The following CNTRL variants were observed in gnomAD, a reference collection of about 807,000 sequenced individuals.
CNTRL encodes the protein centriolin.
Under a neutral mutation model 303.7 loss-of-function variants are expected in CNTRL, and 233 were observed. That is an observed-to-expected ratio of 0.77 (90% CI 0.69 to 0.86). The LOEUF (loss-of-function observed/expected upper bound fraction) is 0.86, where lower values mean the gene tolerates loss of function less well. Among genes scored for constraint, CNTRL ranks in the 40% least tolerant of loss-of-function variants. The pLI, the probability that CNTRL is intolerant of heterozygous loss-of-function variation, is 0.00. For synonymous variants in CNTRL, 900 were observed against 922.2 expected, an observed-to-expected ratio of 0.98 and a Z score of 0.44; for missense variants, 2,524 against 2,650.6, an observed-to-expected ratio of 0.95 and a Z score of 1.05.
chr9:121,136,560 C>T (rs1438155226), intron 15 of CNTRL, among the ~76,000 whole-genome samples: 2 of 152,202 alleles, frequency 1.3e-5, no homozygotes, highest in African/African-American at 2.4e-5. Flanking sequence ...ATCCACCCAC[C>T]TCAGCCTCCC....
intron 35 of CNTRL, among the ~76,000 whole-genome samples, chr9:121,165,522 A>T (rs1588321901): frequency 6.6e-6 from 1 of 152,240 alleles, no homozygotes; most frequent in East Asian, 1.9e-4. Context: ...CCAAATGTTT[A>T]TAAATATGAT....
intron 35 of CNTRL, 115 bp from the exon 36 acceptor site, chr9:121,165,992 T>C: frequency 1.4e-6 from 1 of 735,162 alleles, no homozygotes. Flanking sequence ...GGCATAGTCA[T>C]ACATGTAACA....
chr9:121,173,579 GA>G, intron 41 of CNTRL, 70 bp downstream of exon 41: 1 of 1,610,802 alleles, frequency 6.2e-7, no homozygotes, highest in East Asian at 2.2e-5. Flanking sequence ...CTAAAACACA[GA>G]TGTGGGGGTG....
chr9:121,103,233 G>T (rs1432120706), intron 7 of CNTRL, among the ~76,000 whole-genome samples: 1 of 151,922 alleles, frequency 6.6e-6, no homozygotes, highest in African/African-American at 2.4e-5. Flanking sequence ...AGAGCCCTCA[G>T]AAATAACACC....
At chr9:121,086,919 C>T (rs1456780597) in intron 2 of CNTRL, among the ~76,000 whole-genome samples, 3 of 152,074 alleles carry the variant, frequency 2.0e-5, no homozygotes, top group African/African-American at 7.2e-5. Flanking sequence ...TCCCAAAGTG[C>T]GGGGATTATA....
intron 32 of CNTRL, chr9:121,161,215 AT>A: frequency 2.4e-6 from 1 of 418,828 alleles, no homozygotes; most frequent in East Asian, 3.6e-5. Flanking sequence ...TGTAAAAGTG[AT>A]TTGGGGTGGT....
chr9:121,154,884 G>A lies in CNTRL; in HGVS notation c.4336G>A (p.Glu1446Lys), dbSNP rs772531958. 1 of 1,614,136 alleles carries A rather than the reference G, an allele frequency of 6.2e-7. No individual in the cohort carries two copies. ...READRLLAEA[E>K]SELSCTKEKT... ...AGCTGACCGACTCCTGGCAGAGGCT[G>A]AGAGTGAACTTTCATGCACTAAAGA... Residue 1446 changes from glutamate (E) to lysine (K), a missense_variant, in exon 27 of 44, where the codon GAG (glutamate) becomes AAG (lysine). By Grantham distance (56) the Glu-to-Lys change is moderately conservative. Coordinates refer to ENST00000373855, the MANE Select transcript of CNTRL (RefSeq NM_007018.6).
chr9:121,081,559 C>G (rs940178703), intron 2 of CNTRL, among the ~76,000 whole-genome samples: 3 of 152,328 alleles, frequency 2.0e-5, no homozygotes, highest in East Asian at 3.9e-4. Context: ...ACTGCCCCCT[C>G]CTTGGGTTCA....
At chr9:121,172,113 T>G (rs112873679) in intron 40 of CNTRL, among the ~76,000 whole-genome samples, 25 of 152,340 alleles carry the variant, frequency 1.6e-4, no homozygotes, top group African/African-American at 5.8e-4. Flanking sequence ...ACGTGGCCAT[T>G]CTAGTTTCAT....
rs187126934 is a variant in CNTRL, at chr9:121,104,836, G to T, written c.809-2966G>T. 2.5e-3 allele frequency among the ~76,000 whole-genome samples: 380 copies of T among 151,508 alleles called. 1 individual carries two copies. Among genetic ancestry groups the T allele is most frequent in the African/African-American group, 8.6e-3 (357 of 41,330 alleles). ...CCTGTCTCAGCCTTCCAAGTAACTG[G>T]GATTACAGGCATGCACCACCACACC... On this transcript the variant is annotated intron_variant, in intron 7 of 43. Transcript: ENST00000373855.
At chr9:121,130,308 T>A (rs62141201) in intron 14 of CNTRL, among the ~76,000 whole-genome samples, 1 of 152,042 alleles carries the variant, frequency 6.6e-6, no homozygotes, top group African/African-American at 2.4e-5. Flanking sequence ...CAATTTCAGA[T>A]CCTGTTATTG....
rs866207589 is a variant in CNTRL at position 121,092,822 on chromosome 9, T to A, written c.349-2066T>A. Among the ~76,000 whole-genome samples the A allele has an allele frequency of 1.5e-4, 19 of 128,432 alleles. 2 individuals are homozygous for A. Among genetic ancestry groups the A allele is most frequent in the South Asian group, 7.1e-4 (3 of 4,212 alleles). The allele number at this position is 128,432 out of a possible 152,430, so 84.3% of individuals were successfully genotyped here. ...ATATATCTATATATATATATATTTT[T>A]TTTTTTTTGGAGTCTCGCTCTCTTG... is the stretch of plus-strand genomic sequence containing the variant. On this transcript the variant is annotated intron_variant, in intron 4 of 43. Coordinates refer to ENST00000373855, the MANE Select transcript of CNTRL (RefSeq NM_007018.6).
intron 7 of CNTRL, among the ~76,000 whole-genome samples, chr9:121,102,948 A>G (rs1459445467): frequency 1.3e-5 from 2 of 152,220 alleles, no homozygotes. Context: ...AGGAAGAATC[A>G]ATATCATGAA....
At chr9:121,075,927 A>G (rs2047904837) in intron 1 of CNTRL, among the ~76,000 whole-genome samples, 1 of 152,188 alleles carries the variant, frequency 6.6e-6, no homozygotes, top group Non-Finnish European at 1.5e-5. Context: ...TCCAGAATCC[A>G]AGCTTTTAAC....
intron 14 of CNTRL, among the ~76,000 whole-genome samples, chr9:121,134,293 ATT>A (rs111594737): frequency 6.9e-4 from 47 of 67,672 alleles, no homozygotes; most frequent in African/African-American, 1.4e-3. Flanking sequence ...TATCATTATT[ATT>A]TTTTTTTTTT....
At chr9:121,131,771 G>A (rs555331595) in intron 14 of CNTRL, among the ~76,000 whole-genome samples, 2 of 152,112 alleles carry the variant, frequency 1.3e-5, no homozygotes, top group African/African-American at 2.4e-5. Flanking sequence ...TGGCTGGTAC[G>A]GGTTGTTCCT....
In CNTRL at chr9:121,154,820, T is replaced by C. The variant is rs373569430; in HGVS notation, c.4272T>C (p.Ile1424=). The change falls in exon 27 of 44, where the codon ATT becomes ATC. Residue 1424 remains isoleucine (I), a synonymous_variant. Coordinates refer to ENST00000373855, the MANE Select transcript of CNTRL (RefSeq NM_007018.6). The part of the protein sequence containing the change: ...HEDIVDEIEC[I]EKTLLKRRSE... The stretch of plus-strand genomic sequence containing the variant: ...ATATTGTAGATGAAATTGAGTGCAT[T>C]GAGAAGACTCTTCTGAAACGTCGCT... 3 of 1,613,910 alleles carry C rather than the reference T, an allele frequency of 1.9e-6. No individual in the cohort carries two copies. The highest frequency in any genetic ancestry group is 2.7e-5 in the African/African-American group (2 of 74,916).
At chr9:121,092,443 G>GATAATATATATCTATATATAT (rs1564194183) in intron 4 of CNTRL, among the ~76,000 whole-genome samples, 1 of 91,110 alleles carries the variant, frequency 1.1e-5, no homozygotes, top group African/African-American at 3.9e-5. Context: ...TAGATAGATA[G>GATAATATATATCTATATATAT]ATAATATATA....
rs41316952 is a variant in CNTRL, at chr9:121,173,587, G to T, written c.6684+78G>T. Reference sequence around the variant, plus strand: ...AGCTAAGCTAAAACACAGATGTGGGGGTGCTGGGGTAGGGGAGGGAAAGGC... The same window carrying T: ...AGCTAAGCTAAAACACAGATGTGGGTGTGCTGGGGTAGGGGAGGGAAAGGC... On this transcript the variant is annotated intron_variant, in intron 41 of 43. Transcript: ENST00000373855. 37,527 of 1,609,390 alleles carry T rather than the reference G, an allele frequency of 0.023. 683 individuals carry two copies. Among genetic ancestry groups the T allele is most frequent in the Middle Eastern group, 0.042 (251 of 6,044 alleles).
Sources: allele counts gnomAD v4.1 joint callset (sites outside exome capture counted in the v4.1 genomes callset), GRCh38; gene constraint gnomAD v4.1.1; transcripts MANE v1.5; gene names NCBI Gene and HGNC (gene_info 2026-07-23, HGNC 2026-07-21).